Variants in KCTD8 observed in about 807,000 individuals in gnomAD.
KCTD8 encodes the protein potassium channel tetramerization domain containing 8.
Under a neutral mutation model 31.5 loss-of-function variants are expected in KCTD8, and 27 were observed. The ratio of observed to expected loss-of-function variants is 0.86; its 90% CI spans 0.63 to 1.18. The LOEUF is 1.18. Ranked by LOEUF, KCTD8 falls within the 50% of genes most tolerant of loss-of-function variation. The pLI, the probability that KCTD8 is intolerant of heterozygous loss-of-function variation, is 0.00. For synonymous variants in KCTD8, 290 were observed against 280.0 expected (o/e 1.04, Z -0.36); for missense variants, 658 against 647.7 (o/e 1.02, Z -0.17).
chr4:44,427,055 T>C (rs1721366903), intron 1 of KCTD8, among the ~76,000 whole-genome samples: 1 of 151,610 alleles, frequency 6.6e-6, no homozygotes, highest in Admixed American at 6.6e-5. Flanking sequence ...CATATAATTA[T>C]TTCAAGAGAG....
chr4:44,284,567 G>T (rs971785244), intron 1 of KCTD8, among the ~76,000 whole-genome samples: 20 of 152,128 alleles, frequency 1.3e-4, no homozygotes, highest in Admixed American at 1.0e-3. Context: ...CATGGGCAAA[G>T]ACTTCATGTC....
intron 1 of KCTD8, among the ~76,000 whole-genome samples, chr4:44,358,370 T>C (rs923716621): frequency 3.3e-5 from 5 of 152,080 alleles, no homozygotes; most frequent in Admixed American, 3.3e-4. Flanking sequence ...TGTGCATGCG[T>C]CTTTATAGTG....
intron 1 of KCTD8, among the ~76,000 whole-genome samples, chr4:44,314,011 A>C (rs1326441699): frequency 1.3e-5 from 2 of 152,248 alleles, no homozygotes; most frequent in Admixed American, 1.3e-4. Context: ...GTCATGTAAA[A>C]TATGCTAAAC....
intron 1 of KCTD8, among the ~76,000 whole-genome samples, chr4:44,320,838 A>G (rs1414401799): frequency 6.6e-6 from 1 of 150,444 alleles, no homozygotes; most frequent in Non-Finnish European, 1.5e-5. Context: ...AAAAAAAAAA[A>G]GCCAATTAAT....
At chr4:44,382,276 A>G (rs1402436085) in intron 1 of KCTD8, among the ~76,000 whole-genome samples, 1 of 152,082 alleles carries the variant, frequency 6.6e-6, no homozygotes, top group African/African-American at 2.4e-5. Context: ...ATAGATAGAG[A>G]AAACACATTT....
intron 1 of KCTD8, among the ~76,000 whole-genome samples, chr4:44,182,154 G>A (rs372683594): frequency 1.7e-3 from 260 of 150,658 alleles, no homozygotes; most frequent in Non-Finnish European, 2.7e-3. Context: ...CAGCCGCCCC[G>A]TCCGAGAGGG....
intron 1 of KCTD8, among the ~76,000 whole-genome samples, chr4:44,390,778 AT>A (rs952480888): frequency 2.0e-5 from 3 of 151,988 alleles, no homozygotes; most frequent in African/African-American, 7.2e-5. Flanking sequence ...TAAAATTGGC[AT>A]TGATAATAAA....
chr4:44,304,027 G>T (rs556891750), intron 1 of KCTD8, among the ~76,000 whole-genome samples: 1 of 152,112 alleles, frequency 6.6e-6, no homozygotes, highest in South Asian at 2.1e-4. Context: ...AACACTAAAT[G>T]GCAGAAAGGC....
intron 1 of KCTD8, among the ~76,000 whole-genome samples, chr4:44,268,973 A>G (rs1278539370): frequency 1.3e-5 from 2 of 152,208 alleles, no homozygotes; most frequent in East Asian, 3.9e-4. Context: ...GCCCAAGGTA[A>G]TTTATAGATT....
chr4:44,215,885 C>G (rs7667938), intron 1 of KCTD8, among the ~76,000 whole-genome samples: 6 of 152,082 alleles, frequency 3.9e-5, no homozygotes, highest in Non-Finnish European at 8.8e-5. Flanking sequence ...GAAACAGGTA[C>G]CCTGTGTGAT....
In KCTD8 at chr4:44,215,885, C is replaced by T. The variant is rs7667938; in HGVS notation, c.962-40635G>A. Among the ~76,000 whole-genome samples, 671 of 152,200 alleles carry T rather than the reference C, an allele frequency of 4.4e-3. 9 individuals are homozygous for T. Among genetic ancestry groups the T allele is most frequent in the African/African-American group, 0.016 (649 of 41,520 alleles). On this transcript the variant is annotated intron_variant, in intron 1 of 1. Coordinates refer to ENST00000360029, the MANE Select transcript of KCTD8 (RefSeq NM_198353.3). ...TAGATTATAAGCCCAGAAACAGGTA[C>T]CCTGTGTGATGTCACATGTAATAAG...
intron 1 of KCTD8, among the ~76,000 whole-genome samples, chr4:44,192,154 ATAAAC>A (rs1477127411): frequency 6.6e-6 from 1 of 152,264 alleles, no homozygotes; most frequent in Non-Finnish European, 1.5e-5. Flanking sequence ...TGCTTAATGC[ATAAAC>A]TAAATTTTTA....
Position 44,401,783 on chromosome 4 carries a change from CTTCTCTTA to C in KCTD8, c.961+45772_961+45779del, listed in dbSNP as rs1720671783. On this transcript the variant is annotated intron_variant, in intron 1 of 1. Transcript: ENST00000360029. ...AGCAGCTACTATTCTATTTAGGCTG[CTTCTCTTA>C]TTCTCTTATTCTCATTCCTTAATAC... 2.0e-5 allele frequency among the ~76,000 whole-genome samples: 3 copies of C among 152,300 alleles called. No individual in the cohort carries two copies. In the South Asian group the frequency reaches 6.2e-4, roughly 32 times the overall value.
intron 1 of KCTD8, among the ~76,000 whole-genome samples, chr4:44,434,158 G>A (rs1281112728): frequency 6.6e-6 from 1 of 151,714 alleles, no homozygotes; most frequent in Non-Finnish European, 1.5e-5. Context: ...TTACATGAAT[G>A]CCCACATTTC....
At chr4:44,356,661 G>C (rs1719351081) in intron 1 of KCTD8, among the ~76,000 whole-genome samples, 2 of 152,110 alleles carry the variant, frequency 1.3e-5, no homozygotes, top group South Asian at 2.1e-4. Flanking sequence ...GGTAGAGACA[G>C]GGTTCCTACC....
At position 44,447,776 on chromosome 4, in the gene KCTD8, C is replaced by A; in HGVS notation, c.748G>T (p.Asp250Tyr). ...GGGTCGCGGCTCTCGTTGAGCGTGT[C>A]CCCGAAGACCTCCTTGGCCAGCGCG... Reference protein sequence around the residue: ...RIALAKEVFGDTLNESRDPDR... With the variant: ...RIALAKEVFGYTLNESRDPDR... Residue 250 changes from aspartate (D) to tyrosine (Y), a missense_variant, in exon 1 of 2, where the codon GAC (aspartate) becomes TAC (tyrosine). By Grantham distance (160) the Asp-to-Tyr change is radical. Transcript: ENST00000360029. The A allele has an allele frequency of 1.2e-6, 2 of 1,610,764 alleles. No individual in the cohort carries two copies. The highest frequency in any genetic ancestry group is 1.7e-6 in the Non-Finnish European group (2 of 1,178,404).
intron 1 of KCTD8, among the ~76,000 whole-genome samples, chr4:44,208,564 G>A (rs1237770874): frequency 6.6e-6 from 1 of 152,048 alleles, no homozygotes; most frequent in African/African-American, 2.4e-5. Flanking sequence ...TAAGAAGTTT[G>A]GTATGCTCCA....
chr4:44,222,021 T>A (rs184913720), intron 1 of KCTD8, among the ~76,000 whole-genome samples: 1 of 152,344 alleles, frequency 6.6e-6, no homozygotes, highest in Non-Finnish European at 1.5e-5. Flanking sequence ...TAACCATGTC[T>A]GTGATAGGCA....
rs1228304409 is a variant in KCTD8 at position 44,448,154 on chromosome 4, A to G, written c.370T>C (p.Phe124Leu). 6.2e-7 allele frequency: 1 copy of G among 1,612,448 alleles called. No individual in the cohort carries two copies. Among genetic ancestry groups the G allele is most frequent in the Admixed American group, 1.7e-5 (1 of 59,982 alleles). Residue 124 changes from phenylalanine to leucine, a missense_variant, in exon 1 of 2, where the codon TTC becomes CTC. Physicochemically the swap from Phe to Leu is conservative, Grantham distance 22. Coordinates refer to ENST00000360029, the MANE Select transcript of KCTD8 (RefSeq NM_198353.3). The surrounding 1 kb of genome is among the most constrained non-coding windows in gnomAD (Gnocchi z 4.1). ...CGCAGCAGCCGCTCCTTCTCGGGGAAGTGCTCCGGCAGCGCGAGTTGCTTG... is the reference window on the plus strand; with the variant it reads ...CGCAGCAGCCGCTCCTTCTCGGGGAGGTGCTCCGGCAGCGCGAGTTGCTTG... ...RDKQLALPEHFPEKERLLREA... is the reference protein window; with the variant it reads ...RDKQLALPEHLPEKERLLREA...
Sources: gnomAD v4.1 joint callset for allele counts (sites outside exome capture counted in the v4.1 genomes callset) on GRCh38, gnomAD v4.1.1 for gene constraint, Gnocchi (gnomAD v3.1) non-coding constraint, MANE v1.5 for transcripts, NCBI Gene and HGNC (gene_info 2026-07-23, HGNC 2026-07-21) for gene names.